MCM2: variants seen among roughly 807,000 people sequenced by gnomAD.
MCM2 encodes the protein minichromosome maintenance complex component 2.
Under a neutral mutation model 86.4 loss-of-function variants are expected in MCM2, and 49 were observed. That is an observed-to-expected ratio of 0.57 (90% confidence interval 0.45 to 0.72). The LOEUF (loss-of-function observed/expected upper bound fraction) is 0.72. Among genes scored for constraint, MCM2 ranks in the 30% least tolerant of loss-of-function variants. The pLI, the probability that MCM2 is intolerant of heterozygous loss-of-function variation, is 0.00. For synonymous variants in MCM2, 475 were observed against 484.6 expected, an observed-to-expected ratio of 0.98 and a Z score of 0.26; for missense variants, 1,038 against 1,259.9, an observed-to-expected ratio of 0.82 and a Z score of 2.67.
In MCM2 at chr3:127,618,937, G is replaced by A; in HGVS notation, c.2014-90G>A. The A allele has an allele frequency of 7.3e-7, 1 of 1,377,036 alleles. No homozygotes were observed. The highest frequency in any genetic ancestry group is 9.7e-7 in the Non-Finnish European group (1 of 1,031,468). The allele number at this position is 1,377,036 out of a possible 1,614,324, so 85.3% of individuals were successfully genotyped here. On this transcript the variant is annotated intron_variant, in intron 12 of 15. Coordinates refer to ENST00000265056, the MANE Select transcript of MCM2 (RefSeq NM_004526.4). The surrounding 1 kb of genome is among the most constrained non-coding windows in gnomAD (Gnocchi z 4.0). ...GTCTTGTTGAAAGAGTGTCACCCTTGTAGGGCACACTCAGCCCTTCTCCAG... is the reference window on the plus strand; with the variant it reads ...GTCTTGTTGAAAGAGTGTCACCCTTATAGGGCACACTCAGCCCTTCTCCAG...
chr3:127,599,645 G>A, intron 2 of MCM2, 98 bp downstream of exon 2: 1 of 1,086,804 alleles, frequency 9.2e-7, no homozygotes, highest in Non-Finnish European at 1.3e-6. Context: ...CAGATGAATC[G>A]ATGGCATTCT....
rs779881945 is a variant in MCM2 at position 127,606,764 on chromosome 3, G to T, written c.1048G>T (p.Gly350Cys). Residue 350 changes from glycine to cysteine, a missense_variant, in exon 6 of 16, where the codon GGC (glycine) becomes TGC (cysteine). Transcript: ENST00000265056. This position sits in a 1 kb window ranked among gnomAD's most constrained non-coding sequence, Gnocchi z 4.2. ...CQSQNQEVKP[G>C]SCPECQSAGP... ...GTCCCAGAACCAGGAGGTGAAACCAGGCTCCTGTCCTGAGTGCCAGTCGGC... is the reference window on the plus strand; with the variant it reads ...GTCCCAGAACCAGGAGGTGAAACCATGCTCCTGTCCTGAGTGCCAGTCGGC... 1.2e-6 allele frequency: 2 copies of T among 1,614,240 alleles called. No homozygotes were observed. Among genetic ancestry groups the T allele is most frequent in the Non-Finnish European group, 1.7e-6 (2 of 1,180,054 alleles).
chr3:127,598,510 C>G, intron 1 of MCM2, 38 bp downstream of exon 1: 1 of 1,609,340 alleles, frequency 6.2e-7, no homozygotes, highest in Non-Finnish European at 8.5e-7. Flanking sequence ...GCGCCGGGGA[C>G]ATGGGTGCGG....
intron 9 of MCM2, among the ~76,000 whole-genome samples, chr3:127,616,451 G>C (rs1165677246): frequency 6.6e-6 from 1 of 152,014 alleles, no homozygotes; most frequent in Non-Finnish European, 1.5e-5. Context: ...AGCGTCCCCT[G>C]TGTGTGCCCA....
In MCM2 at chr3:127,604,903, T is replaced by TG. The variant is rs1279936293; in HGVS notation, c.421dup (p.Glu141GlyfsTer88). ...TGTCTCTTGCCTCCCCAGACAGCGATGAGGAGGACGAGGAGCGCCCTGCCC... is the reference window on the plus strand; with the variant it reads ...TGTCTCTTGCCTCCCCAGACAGCGATGGAGGAGGACGAGGAGCGCCCTGCCC... On this transcript the variant is annotated frameshift_variant, in exon 4 of 16. Transcript: ENST00000265056. LOFTEE classifies it high-confidence loss of function. The TG allele has an allele frequency of 6.2e-7, 1 of 1,610,604 alleles. No homozygotes were observed. Among genetic ancestry groups the TG allele is most frequent in the Non-Finnish European group, 8.5e-7 (1 of 1,178,510 alleles).
In MCM2 at chr3:127,606,427, G is replaced by T; in HGVS notation, c.893+90G>T. On this transcript the variant is annotated intron_variant, in intron 5 of 15. Coordinates refer to ENST00000265056, the MANE Select transcript of MCM2 (RefSeq NM_004526.4). The surrounding 1 kb of genome is among the most constrained non-coding windows in gnomAD (Gnocchi z 4.2). ...CTGAAGAGCGATTGTGGTGTGGGCG[G>T]GGAGGGTGCAGCCAGCAGCATCCTC... 2 of 1,368,022 alleles carry T rather than the reference G, an allele frequency of 1.5e-6. No homozygotes were observed. The highest frequency in any genetic ancestry group is 4.9e-5 in the East Asian group (2 of 41,004). 84.7% of individuals were successfully genotyped at this position (1,368,022 alleles called of 1,614,324 possible).
intron 1 of MCM2, 131 bp downstream of exon 1, chr3:127,598,603 A>C (rs2074276281): frequency 7.9e-7 from 1 of 1,272,366 alleles, no homozygotes. Context: ...GGGCGCAGCT[A>C]CTTTCTCGCC....
chr3:127,610,409 T>C lies in MCM2; in HGVS notation c.1428+1386T>C, dbSNP rs115395879. Among the ~76,000 whole-genome samples the C allele has an allele frequency of 2.4e-3, 362 of 152,328 alleles. 1 individual carries two copies. Among genetic ancestry groups the C allele is most frequent in the African/African-American group, 8.4e-3 (348 of 41,576 alleles). On this transcript the variant is annotated intron_variant, in intron 8 of 15. Transcript: ENST00000265056. Reference sequence around the variant, plus strand: ...GGGGTAAGGAGAGCTGTGTCCAGGCTGCAGGTTAGCTGATTTGTTTTGGTT... The same window carrying C: ...GGGGTAAGGAGAGCTGTGTCCAGGCCGCAGGTTAGCTGATTTGTTTTGGTT...
intron 9 of MCM2, 38 bp from the exon 10 acceptor site, chr3:127,616,830 C>T (rs1387495341): frequency 6.3e-7 from 1 of 1,596,990 alleles, no homozygotes; most frequent in Non-Finnish European, 8.6e-7. Flanking sequence ...TCTCACTTCC[C>T]ACTCTCCCCC....
Position 127,618,907 on chromosome 3 carries a change from A to T in MCM2, c.2014-120A>T. ...GAACTGCCTGGCACATGGTCAGTGT[A>T]GTCAGTCTTGTTGAAAGAGTGTCAC... On this transcript the variant is annotated intron_variant, in intron 12 of 15. Transcript: ENST00000265056. The surrounding 1 kb of genome is among the most constrained non-coding windows in gnomAD (Gnocchi z 4.0). 1.7e-6 allele frequency: 2 copies of T among 1,163,132 alleles called. No homozygotes were observed. Among genetic ancestry groups the T allele is most frequent in the Non-Finnish European group, 2.4e-6 (2 of 848,264 alleles). 72.1% of individuals were successfully genotyped at this position (1,163,132 alleles called of 1,614,324 possible).
In MCM2 at chr3:127,606,049, C is replaced by T. The variant is rs1177053906; in HGVS notation, c.674-69C>T. ...GGGTGGGTAGGCCTTGCTTCTCACA[C>T]AGGCATTGTTGCAGCCCAGCCCAGG... On this transcript the variant is annotated intron_variant, in intron 4 of 15. Transcript: ENST00000265056. This position sits in a 1 kb window ranked among gnomAD's most constrained non-coding sequence, Gnocchi z 4.2. 6 of 1,255,152 alleles carry T rather than the reference C, an allele frequency of 4.8e-6. No homozygotes were observed. In the Admixed American group the frequency reaches 7.1e-5, roughly 15 times the overall value. The allele number at this position is 1,255,152 out of a possible 1,614,324, so 77.8% of individuals were successfully genotyped here.
At position 127,608,273 on chromosome 3, in the gene MCM2, A is replaced by C. The variant is rs1388235932; in HGVS notation, c.1102-109A>C. On this transcript the variant is annotated intron_variant, in intron 6 of 15. Coordinates refer to ENST00000265056, the MANE Select transcript of MCM2 (RefSeq NM_004526.4). ...CATTCCTTGCTGTCTTTGGCTCTCC[A>C]TTTGCCACTCAGGAGTCGGAATCCT... The C allele has an allele frequency of 3.7e-5, 53 of 1,417,226 alleles. No individual in the cohort carries two copies. The South Asian group carries it at 6.3e-4, about 17-fold the overall frequency. The allele number at this position is 1,417,226 out of a possible 1,614,324, so 87.8% of individuals were successfully genotyped here.
rs367691385 is a variant in MCM2 at position 127,617,924 on chromosome 3, G to C, written c.1901-45G>C. The C allele has an allele frequency of 3.4e-6, 5 of 1,477,548 alleles. No homozygotes were observed. In the African/African-American group the frequency reaches 6.9e-5, roughly 20 times the overall value. The allele number at this position is 1,477,548 out of a possible 1,614,324, so 91.5% of individuals were successfully genotyped here. ...GCAGCCTGGGGTCCCTGAGATGGGAGGATAGGGGAATCCACCCTGATGGAG... is the reference window on the plus strand; with the variant it reads ...GCAGCCTGGGGTCCCTGAGATGGGACGATAGGGGAATCCACCCTGATGGAG... On this transcript the variant is annotated intron_variant, in intron 11 of 15. Coordinates refer to ENST00000265056, the MANE Select transcript of MCM2 (RefSeq NM_004526.4). This position sits in a 1 kb window ranked among gnomAD's most constrained non-coding sequence, Gnocchi z 4.1.
intron 8 of MCM2, among the ~76,000 whole-genome samples, chr3:127,612,007 A>C (rs910410029): frequency 6.6e-6 from 1 of 152,062 alleles, no homozygotes; most frequent in Non-Finnish European, 1.5e-5. Flanking sequence ...CCAACAGCTG[A>C]CTTTTTGTAT....
Position 127,598,417 on chromosome 3 carries a change from G to T in MCM2, c.-50G>T, listed in dbSNP as rs1017560641. 6 of 1,613,032 alleles carry T rather than the reference G, an allele frequency of 3.7e-6. No homozygotes were observed. Among genetic ancestry groups the T allele is most frequent in the Non-Finnish European group, 5.1e-6 (6 of 1,179,420 alleles). ...TGGTGGGTCACGTGAACCACTTTTC[G>T]CGCGAAACCTGGTTGTTGCTGTAGT... On this transcript the variant is annotated 5_prime_UTR_variant, in exon 1 of 16. Transcript: ENST00000265056.
At chr3:127,611,105 G>A (rs970456030) in intron 8 of MCM2, 2 of 386,866 alleles carry the variant, frequency 5.2e-6, no homozygotes, top group Admixed American at 5.9e-5. Context: ...AGTCACACAG[G>A]CAAAGAAAGC....
At chr3:127,604,833 T>G (rs1204229158) in intron 3 of MCM2, 50 bp downstream of exon 3, 8 of 1,571,948 alleles carry the variant, frequency 5.1e-6, no homozygotes, top group Non-Finnish European at 6.9e-6. Context: ...TGGGAAGGAG[T>G]CTGGGAGGGG....
intron 15 of MCM2, among the ~76,000 whole-genome samples, 157 bp downstream of exon 15, chr3:127,621,385 C>T (rs1576421871): frequency 6.6e-6 from 1 of 152,270 alleles, no homozygotes; most frequent in East Asian, 1.9e-4. Flanking sequence ...AGTTCTGTGC[C>T]TGTAGTCTGA....
chr3:127,608,329 G>T (rs1339195526), intron 6 of MCM2, 53 bp from the exon 7 acceptor site: 1 of 1,601,472 alleles, frequency 6.2e-7, no homozygotes, highest in Admixed American at 1.7e-5. Context: ...GGGGGTCAAG[G>T]TTAGGTGACA....
Sources: allele counts gnomAD v4.1 joint callset (sites outside exome capture counted in the v4.1 genomes callset), GRCh38; gene constraint gnomAD v4.1.1; non-coding constraint Gnocchi (gnomAD v3.1); transcripts MANE v1.5; gene names NCBI Gene and HGNC (gene_info 2026-07-23, HGNC 2026-07-21).